The following IFI30 variants were observed in gnomAD, a reference collection of about 807,000 sequenced individuals.
The protein encoded by IFI30 is IFI30 lysosomal thiol reductase.
A neutral mutation model predicts 30.1 loss-of-function variants in IFI30; 26 were observed. The observed-to-expected ratio is 0.87, with a 90% CI of 0.63 to 1.20. The LOEUF (loss-of-function observed/expected upper bound fraction) is 1.20, where lower values mean the gene tolerates loss of function less well. Ranked by LOEUF, IFI30 falls within the 50% of genes most tolerant of loss-of-function variation. IFI30 has a pLI of 0.00. For missense variants in IFI30, 296 were observed against 312.5 expected, an observed-to-expected ratio of 0.95 and a Z score of 0.40; for synonymous variants, 149 against 134.5, an observed-to-expected ratio of 1.11 and a Z score of -0.75.
chr19:18,173,871 G>T lies in IFI30; in HGVS notation c.30G>T (p.Leu10=). The T allele has an allele frequency of 6.5e-7, 1 of 1,550,066 alleles. No individual in the cohort carries two copies. ...CCCTGTCGCCACTTCTGCTGTTCCT[G>T]CCACCGCTGCTGCTGCTGCTGGACG... MTLSPLLLF[L]PPLLLLLDVP... is the part of the protein sequence containing the mutation. The change falls in exon 1 of 7, where the codon CTG becomes CTT. Residue 10 remains leucine (L), a synonymous_variant. Coordinates refer to ENST00000407280, the MANE Select transcript of IFI30 (RefSeq NM_006332.5).
intron 4 of IFI30, among the ~76,000 whole-genome samples, chr19:18,176,458 C>T (rs1296078857): frequency 6.6e-6 from 1 of 152,146 alleles, no homozygotes; most frequent in East Asian, 1.9e-4. Context: ...CCAGCCTCCC[C>T]TCTTGAAGCC....
chr19:18,174,892 AGTCAAGATT>A, intron 1 of IFI30, 139 bp from the exon 2 acceptor site: 1 of 615,662 alleles, frequency 1.6e-6, no homozygotes, highest in Non-Finnish European at 2.8e-6. Context: ...AAAGTCTCAA[AGTCAAGATT>A]CCACCTGGCA....
chr19:18,174,805 G>A, intron 1 of IFI30: 1 of 486,248 alleles, frequency 2.1e-6, no homozygotes, highest in Non-Finnish European at 3.7e-6. Flanking sequence ...CAGGGAGTCG[G>A]GTGTTGCAGT....
At position 18,177,911 on chromosome 19, in the gene IFI30, A is replaced by G. The variant is rs191513645; in HGVS notation, c.753A>G (p.Ter251TrpextTer67). The change falls in exon 7 of 7, where the codon TGA becomes TGG. Residue 251 changes from the stop codon to tryptophan (W), a stop_lost. Transcript: ENST00000407280. ...TSSLRSVCFK[*>W] ...CCCTCAGGAGTGTTTGCTTCAAGTGATGGCCGGTGAGCTGCGGAGAGCTCA... is the reference window on the plus strand; with the variant it reads ...CCCTCAGGAGTGTTTGCTTCAAGTGGTGGCCGGTGAGCTGCGGAGAGCTCA... The G allele has an allele frequency of 1.5e-5, 23 of 1,585,782 alleles. No individual in the cohort carries two copies. Among genetic ancestry groups the G allele is most frequent in the Non-Finnish European group, 1.8e-5 (21 of 1,165,842 alleles).
In IFI30 at chr19:18,177,731, C is replaced by A; in HGVS notation, c.657C>A (p.Thr219=). 1 of 1,613,804 alleles carries A rather than the reference C, an allele frequency of 6.2e-7. No homozygotes were observed. Residue 219 remains threonine, a synonymous_variant, in exon 6 of 7, where the codon ACC becomes ACA. Transcript: ENST00000407280. ...TVNGKPLEDQ[T]QLLTLVCQLY... ...TGCAGAAACCCTTGGAAGATCAGAC[C>A]CAGCTCCTTACCCTTGTCTGCCAGT...
chr19:18,175,752 C>T, intron 4 of IFI30, 55 bp downstream of exon 4: 1 of 1,413,692 alleles, frequency 7.1e-7, no homozygotes. Flanking sequence ...GTAACCTTCC[C>T]TGCATCCAGG....
intron 4 of IFI30, among the ~76,000 whole-genome samples, chr19:18,176,680 G>A (rs1967273625): frequency 6.6e-6 from 1 of 152,134 alleles, no homozygotes. Flanking sequence ...TGACTCATTG[G>A]CTCCAATCAT....
At chr19:18,174,988 G>A (rs1263590024) in intron 1 of IFI30, 52 bp from the exon 2 acceptor site, 1 of 1,467,702 alleles carries the variant, frequency 6.8e-7, no homozygotes. Flanking sequence ...GTTGAGAGAA[G>A]TGGGGAACTG....
At position 18,173,826 on chromosome 19, in the gene IFI30, C is replaced by T; in HGVS notation, c.-16C>T. On this transcript the variant is annotated 5_prime_UTR_variant, in exon 1 of 7. Coordinates refer to ENST00000407280, the MANE Select transcript of IFI30 (RefSeq NM_006332.5). ...CAGGCAGCCGCTGCAGTCGCCACAC[C>T]TTTGCCCCTGCTGCGATGACCCTGT... 6.5e-7 allele frequency: 1 copy of T among 1,539,588 alleles called. No homozygotes were observed. The highest frequency in any genetic ancestry group is 8.7e-7 in the Non-Finnish European group (1 of 1,143,488).
rs1188495044 is a variant in IFI30 at position 18,176,991 on chromosome 19, C to T, written c.484-149C>T. On this transcript the variant is annotated intron_variant, in intron 4 of 6. Transcript: ENST00000407280. Reference sequence around the variant, plus strand: ...CCTCCACTCAAGCATGTATTGAGCACCTGCTGTTTGTGGGCTTTGTCGCAT... The same window carrying T: ...CCTCCACTCAAGCATGTATTGAGCATCTGCTGTTTGTGGGCTTTGTCGCAT... 9 of 807,060 alleles carry T rather than the reference C, an allele frequency of 1.1e-5. No individual in the cohort carries two copies. The East Asian group carries it at 2.5e-4, about 22-fold the overall frequency. 50.0% of individuals were successfully genotyped at this position (807,060 alleles called of 1,614,324 possible).
chr19:18,177,846 C>A lies in IFI30; in HGVS notation c.691-3C>A. ...GACCCCAACTCATGGCCTTCACCTC[C>A]AGGGCAAGAAGCCGGATGTCTGCCC... On this transcript the variant is annotated splice_polypyrimidine_tract_variant and splice_region_variant and intron_variant, in intron 6 of 6. Transcript: ENST00000407280. The A allele has an allele frequency of 6.2e-7, 1 of 1,603,514 alleles. No homozygotes were observed. The highest frequency in any genetic ancestry group is 8.5e-7 in the Non-Finnish European group (1 of 1,175,026).
chr19:18,178,063 A>T lies in IFI30; in HGVS notation c.*152A>T. The T allele has an allele frequency of 1.4e-6, 1 of 713,950 alleles. No homozygotes were observed. Among genetic ancestry groups the T allele is most frequent in the South Asian group, 1.7e-5 (1 of 59,322 alleles). 44.2% of individuals were successfully genotyped at this position (713,950 alleles called of 1,614,324 possible). On this transcript the variant is annotated 3_prime_UTR_variant, in exon 7 of 7. Coordinates refer to ENST00000407280, the MANE Select transcript of IFI30 (RefSeq NM_006332.5). ...CAGATACACAAAATTCCACCCCATG[A>T]TCAAGAATCCTGCTCCACTAAGAAT...
rs147477761 is a variant in IFI30, at chr19:18,175,375, A to G, written c.380A>G (p.Asn127Ser). The change falls in exon 3 of 7, where the codon AAC (asparagine) becomes AGC (serine). Residue 127 changes from asparagine to serine, a missense_variant. Transcript: ENST00000407280. The stretch of plus-strand genomic sequence containing the variant: ...CATGGAGAAGAGGAGTGCAAATTCA[A>G]CAAGGTGGAGGTGAGCGGCCCCAGG... The part of the protein sequence containing the change: ...CQHGEEECKF[N>S]KVEACVLDEL... The G allele has an allele frequency of 1.6e-4, 253 of 1,590,620 alleles. No homozygotes were observed. Among genetic ancestry groups the G allele is most frequent in the Middle Eastern group, 1.2e-3 (7 of 5,888 alleles).
Position 18,173,825 on chromosome 19 carries a change from C to A in IFI30, c.-17C>A. On this transcript the variant is annotated 5_prime_UTR_variant, in exon 1 of 7. Transcript: ENST00000407280. ...CCAGGCAGCCGCTGCAGTCGCCACA[C>A]CTTTGCCCCTGCTGCGATGACCCTG... 1 of 1,539,056 alleles carries A rather than the reference C, an allele frequency of 6.5e-7. No homozygotes were observed.
In IFI30 at chr19:18,173,901, C is replaced by T; in HGVS notation, c.60C>T (p.Pro20=). 3 of 1,551,312 alleles carry T rather than the reference C, an allele frequency of 1.9e-6. No individual in the cohort carries two copies. Among genetic ancestry groups the T allele is most frequent in the South Asian group, 1.2e-5 (1 of 84,082 alleles). The part of the protein sequence containing the change: ...LPPLLLLLDV[P]TAAVQASPLQ... ...CGCTGCTGCTGCTGCTGGACGTCCC[C>T]ACGGCGGCGGTGCAGGCGTCCCCTC... Residue 20 remains proline, a synonymous_variant, in exon 1 of 7, where the codon CCC becomes CCT. Coordinates refer to ENST00000407280, the MANE Select transcript of IFI30 (RefSeq NM_006332.5).
intron 1 of IFI30, chr19:18,174,317 C>G (rs932007068): frequency 4.3e-6 from 1 of 232,794 alleles, no homozygotes. Flanking sequence ...GGGCCGCCGG[C>G]ATGCATTCTT....
Position 18,177,236 on chromosome 19 carries a change from C to G in IFI30, c.580C>G (p.Arg194Gly), listed in dbSNP as rs763403336. ...GMQLMHANAQ[R>G]TDALQPPHEY... is the part of the protein sequence containing the mutation. Reference sequence around the variant, plus strand: ...GCAGCTCATGCACGCCAACGCCCAGCGGACAGATGCTCTCCAGCCACCACA... The same window carrying G: ...GCAGCTCATGCACGCCAACGCCCAGGGGACAGATGCTCTCCAGCCACCACA... The change falls in exon 5 of 7, where the codon CGG becomes GGG. Residue 194 changes from arginine to glycine, a missense_variant. Coordinates refer to ENST00000407280, the MANE Select transcript of IFI30 (RefSeq NM_006332.5). 1 of 1,587,858 alleles carries G rather than the reference C, an allele frequency of 6.3e-7. No homozygotes were observed. The highest frequency in any genetic ancestry group is 8.6e-7 in the Non-Finnish European group (1 of 1,167,452).
intron 5 of IFI30, 160 bp downstream of exon 5, chr19:18,177,452 A>G: frequency 2.3e-6 from 2 of 867,684 alleles, no homozygotes; most frequent in Non-Finnish European, 3.5e-6. Flanking sequence ...AAAACTTGAT[A>G]GCTTTGCATA....
At position 18,177,289 on chromosome 19, in the gene IFI30, TG is replaced by T; in HGVS notation, c.636+1del. 2 of 1,581,456 alleles carry T rather than the reference TG, an allele frequency of 1.3e-6. No individual in the cohort carries two copies. The highest frequency in any genetic ancestry group is 1.7e-6 in the Non-Finnish European group (2 of 1,163,618). On this transcript the variant is annotated frameshift_variant and splice_region_variant, in exon 5 of 7. Coordinates refer to ENST00000407280, the MANE Select transcript of IFI30 (RefSeq NM_006332.5). LOFTEE classifies it high-confidence loss of function. Reference protein sequence around the residue: ...HEYVPWVTVNGKPLEDQTQLL... With the variant: ...HEYVPWVTVNXKPLEDQTQLL... ...AGTATGTGCCCTGGGTCACCGTCAA[TG>T]GGGTAAGAATCTTTTTAGCCCTCAG...
Sources: allele counts gnomAD v4.1 joint callset (sites outside exome capture counted in the v4.1 genomes callset), GRCh38; gene constraint gnomAD v4.1.1; transcripts MANE v1.5; gene names NCBI Gene and HGNC (gene_info 2026-07-23, HGNC 2026-07-21).